Variants in NARS2 observed in about 807,000 individuals in gnomAD.
NARS2 encodes the protein asparaginyl-tRNA synthetase.
In NARS2, 60 loss-of-function variants were observed where a neutral mutation model predicts 62.9. The observed-to-expected ratio is 0.95, with a 90% CI of 0.77 to 1.18. The LOEUF is 1.18. NARS2 is among the 50% of genes most tolerant of loss of function. The pLI is 0.00. For missense variants in NARS2, 619 were observed against 576.4 expected, an observed-to-expected ratio of 1.07 and a Z score of -0.76; for synonymous variants, 196 against 200.0, an observed-to-expected ratio of 0.98 and a Z score of 0.17.
chr11:78,448,255 A>T (rs1857832592), intron 11 of NARS2, among the ~76,000 whole-genome samples: 1 of 152,150 alleles, frequency 6.6e-6, no homozygotes. Context: ...GTATATTCAA[A>T]ACCTATCATT....
At chr11:78,513,810 G>A (rs1182245477) in intron 6 of NARS2, among the ~76,000 whole-genome samples, 1 of 152,148 alleles carries the variant, frequency 6.6e-6, no homozygotes, top group Non-Finnish European at 1.5e-5. Flanking sequence ...CTCATGTTGA[G>A]TTGTAATACC....
At chr11:78,497,771 C>T (rs1860123383) in intron 6 of NARS2, among the ~76,000 whole-genome samples, 1 of 152,096 alleles carries the variant, frequency 6.6e-6, no homozygotes, top group Non-Finnish European at 1.5e-5. Flanking sequence ...CCATGCAATA[C>T]ACTTGGTGGA....
At chr11:78,538,772 G>A (rs1855480780) in intron 5 of NARS2, among the ~76,000 whole-genome samples, 1 of 151,588 alleles carries the variant, frequency 6.6e-6, no homozygotes, top group Non-Finnish European at 1.5e-5. Context: ...GAGGCGGGCG[G>A]ATCACGAGGT....
At chr11:78,464,141 T>C (rs1370468602) in intron 11 of NARS2, among the ~76,000 whole-genome samples, 4 of 152,024 alleles carry the variant, frequency 2.6e-5, no homozygotes, top group African/African-American at 9.7e-5. Flanking sequence ...GCTGCAGACC[T>C]TCGCGGTGAG....
At chr11:78,521,417 C>T (rs944151392) in intron 6 of NARS2, among the ~76,000 whole-genome samples, 9 of 152,140 alleles carry the variant, frequency 5.9e-5, no homozygotes, top group African/African-American at 1.2e-4. Context: ...AAGTGATCCT[C>T]CTGCCTCAGC....
At chr11:78,477,435 G>T (rs1859148771) in intron 9 of NARS2, among the ~76,000 whole-genome samples, 2 of 151,942 alleles carry the variant, frequency 1.3e-5, no homozygotes, top group African/African-American at 4.8e-5. Context: ...GCAGCTGTAG[G>T]AGAAAAAAAA....
chr11:78,561,327 G>C (rs1464932945), intron 4 of NARS2, among the ~76,000 whole-genome samples: 1 of 152,152 alleles, frequency 6.6e-6, no homozygotes, highest in Non-Finnish European at 1.5e-5. Context: ...AGAATAAAAG[G>C]AAAGTAAATA....
rs1393776951 is a variant in NARS2 at position 78,499,061 on chromosome 11, C to T, written c.690-5866G>A. Among the ~76,000 whole-genome samples the T allele has an allele frequency of 2.6e-5, 4 of 151,550 alleles. 1 individual carries two copies. Among genetic ancestry groups the T allele is most frequent in the South Asian group, 4.2e-4 (2 of 4,760 alleles). On this transcript the variant is annotated intron_variant, in intron 6 of 13. Coordinates refer to ENST00000281038, the MANE Select transcript of NARS2 (RefSeq NM_024678.6). ...CCTCCCGAGTAGCTGGGACTACAGG[C>T]GCCCGCCACCACGCCCGGCTAATTT...
At chr11:78,460,803 C>T (rs555322306) in intron 11 of NARS2, among the ~76,000 whole-genome samples, 9 of 152,266 alleles carry the variant, frequency 5.9e-5, no homozygotes, top group African/African-American at 2.2e-4. Flanking sequence ...AGTCAGCCCT[C>T]TGTATTCAGA....
intron 5 of NARS2, among the ~76,000 whole-genome samples, chr11:78,554,851 A>C (rs981046173): frequency 2.6e-5 from 4 of 152,216 alleles, no homozygotes; most frequent in Non-Finnish European, 4.4e-5. Context: ...GCTGGTTTCC[A>C]AGGGGAATGC....
intron 5 of NARS2, among the ~76,000 whole-genome samples, chr11:78,536,647 T>C (rs1855360933): frequency 6.6e-6 from 1 of 152,164 alleles, no homozygotes; most frequent in Non-Finnish European, 1.5e-5. Context: ...AGTAAAAATA[T>C]TTTAAAAAAT....
At chr11:78,542,892 G>A (rs899579660) in intron 5 of NARS2, among the ~76,000 whole-genome samples, 7 of 152,166 alleles carry the variant, frequency 4.6e-5, no homozygotes, top group African/African-American at 1.4e-4. Flanking sequence ...GCGACAGAGC[G>A]AGACCTTGGG....
intron 13 of NARS2, among the ~76,000 whole-genome samples, chr11:78,440,855 T>C (rs533913046): frequency 1.3e-5 from 2 of 152,324 alleles, no homozygotes; most frequent in African/African-American, 4.8e-5. Context: ...ATTTTTAACA[T>C]AATTATCTGG....
chr11:78,551,276 AC>A (rs777199116), intron 5 of NARS2, among the ~76,000 whole-genome samples: 34 of 152,342 alleles, frequency 2.2e-4, no homozygotes, highest in Non-Finnish European at 4.6e-4. Flanking sequence ...GAGTCTATTT[AC>A]ACAGACGGGG....
intron 6 of NARS2, among the ~76,000 whole-genome samples, chr11:78,511,170 T>TA (rs761776127): frequency 6.6e-6 from 1 of 151,686 alleles, no homozygotes; most frequent in Non-Finnish European, 1.5e-5. Context: ...CTTGACCTCC[T>TA]AGGCTCAAGT....
chr11:78,457,741 G>A (rs961404921), intron 11 of NARS2, among the ~76,000 whole-genome samples: 1 of 151,966 alleles, frequency 6.6e-6, no homozygotes, highest in Non-Finnish European at 1.5e-5. Flanking sequence ...TAAGATACTT[G>A]TGAGTGCGAT....
At position 78,569,832 on chromosome 11, in the gene NARS2, T is replaced by C. The variant is rs191672132; in HGVS notation, c.252-1080A>G. Among the ~76,000 whole-genome samples, 120 of 152,292 alleles carry C rather than the reference T, an allele frequency of 7.9e-4. 1 individual carries two copies. Among genetic ancestry groups the C allele is most frequent in the African/African-American group, 2.7e-3 (114 of 41,568 alleles). On this transcript the variant is annotated intron_variant, in intron 2 of 13. Transcript: ENST00000281038. Reference sequence around the variant, plus strand: ...CAGAAATCTAAAATCTAGGTCCCATTAGACCCATGTGATTGCTATACTGAT... The same window carrying C: ...CAGAAATCTAAAATCTAGGTCCCATCAGACCCATGTGATTGCTATACTGAT...
chr11:78,493,277 A>C, intron 6 of NARS2, 82 bp from the exon 7 acceptor site: 1 of 1,394,134 alleles, frequency 7.2e-7, no homozygotes, highest in Admixed American at 2.1e-5. Flanking sequence ...GCTCTTACGG[A>C]AAATAAAGTT....
chr11:78,530,004 G>A (rs1255094931), intron 5 of NARS2, among the ~76,000 whole-genome samples: 1 of 152,102 alleles, frequency 6.6e-6, no homozygotes, highest in Non-Finnish European at 1.5e-5. Flanking sequence ...AATTTCATTG[G>A]TTGTTCTAAA....
Sources: allele counts gnomAD v4.1 joint callset (sites outside exome capture counted in the v4.1 genomes callset), GRCh38; gene constraint gnomAD v4.1.1; transcripts MANE v1.5; gene names NCBI Gene and HGNC (gene_info 2026-07-23, HGNC 2026-07-21).